The following ATP11B variants were observed in gnomAD, a reference collection of about 807,000 sequenced individuals.
ATP11B encodes the protein ATPase phospholipid transporting 11B (putative).
ATP11B carries 81 observed loss-of-function variants against 157.8 expected under a neutral mutation model. The observed-to-expected ratio is 0.51, with a 90% CI of 0.43 to 0.62. The LOEUF (loss-of-function observed/expected upper bound fraction) is 0.62. Among genes scored for constraint, ATP11B ranks in the 20% least tolerant of loss-of-function variants. The probability of loss-of-function intolerance (pLI) is 0.00; values close to 1 mark genes in which losing one functional copy is unlikely to be tolerated. For missense variants in ATP11B, 1,165 were observed against 1,402.2 expected (o/e 0.83, Z 2.70); for synonymous variants, 451 against 469.4 (o/e 0.96, Z 0.51).
At chr3:182,884,459 ATAAT>A (rs1370162722) in intron 21 of ATP11B, among the ~76,000 whole-genome samples, 1 of 152,108 alleles carries the variant, frequency 6.6e-6, no homozygotes, top group African/African-American at 2.4e-5. Flanking sequence ...TATTAGTGTA[ATAAT>A]TGATGTTCCT....
At chr3:182,911,705 T>A (rs1724808202) in intron 28 of ATP11B, among the ~76,000 whole-genome samples, 1 of 152,144 alleles carries the variant, frequency 6.6e-6, no homozygotes, top group South Asian at 2.1e-4. Flanking sequence ...TCCTTACCTT[T>A]AGCTCACCGG....
At chr3:182,913,070 A>G (rs1724904537) in intron 28 of ATP11B, among the ~76,000 whole-genome samples, 2 of 152,146 alleles carry the variant, frequency 1.3e-5, no homozygotes, top group East Asian at 1.9e-4. Flanking sequence ...TGGGCTATTT[A>G]TGCCTGAATC....
intron 17 of ATP11B, among the ~76,000 whole-genome samples, chr3:182,870,578 A>G (rs1159863930): frequency 6.6e-6 from 1 of 152,242 alleles, no homozygotes; most frequent in African/African-American, 2.4e-5. Context: ...AGAATGAATT[A>G]ATTCATATAT....
At chr3:182,800,966 A>G (rs1035159263) in intron 1 of ATP11B, among the ~76,000 whole-genome samples, 3 of 144,468 alleles carry the variant, frequency 2.1e-5, no homozygotes, top group Non-Finnish European at 4.5e-5. Flanking sequence ...TGCCCAACGG[A>G]TTTTTTCGTA....
intron 28 of ATP11B, among the ~76,000 whole-genome samples, chr3:182,907,370 A>G (rs756918631): frequency 6.6e-6 from 1 of 152,166 alleles, no homozygotes; most frequent in African/African-American, 2.4e-5. Context: ...AAAATTGTAA[A>G]TCTTTTAACC....
chr3:182,812,072 A>T (rs897873963), intron 1 of ATP11B, among the ~76,000 whole-genome samples: 3 of 152,130 alleles, frequency 2.0e-5, no homozygotes, highest in African/African-American at 7.2e-5. Flanking sequence ...ACCAAATAGG[A>T]TTCACCCAGG....
At chr3:182,878,605 TGC>T (rs1290838162) in intron 19 of ATP11B, among the ~76,000 whole-genome samples, 1 of 152,228 alleles carries the variant, frequency 6.6e-6, no homozygotes, top group African/African-American at 2.4e-5. Flanking sequence ...ACAAATAGTT[TGC>T]CCACTTTCCA....
At chr3:182,875,096 A>G (rs771896117) in intron 19 of ATP11B, among the ~76,000 whole-genome samples, 9 of 152,140 alleles carry the variant, frequency 5.9e-5, no homozygotes, top group Non-Finnish European at 1.0e-4. Flanking sequence ...AGGCATATCA[A>G]ATTTTTGCCC....
At chr3:182,807,199 A>G (rs1716378590) in intron 1 of ATP11B, among the ~76,000 whole-genome samples, 1 of 152,214 alleles carries the variant, frequency 6.6e-6, no homozygotes, top group Admixed American at 6.5e-5. Flanking sequence ...AGAATTAGCC[A>G]TAGTAGGGAG....
chr3:182,875,085 TA>T (rs1721935329), intron 19 of ATP11B, among the ~76,000 whole-genome samples: 1 of 152,228 alleles, frequency 6.6e-6, no homozygotes, highest in South Asian at 2.1e-4. Context: ...CTATCTTTTA[TA>T]GGCATATCAA....
intron 19 of ATP11B, 63 bp downstream of exon 19, chr3:182,874,078 C>A (rs555153316): frequency 2.1e-6 from 3 of 1,440,104 alleles, no homozygotes; most frequent in East Asian, 2.4e-5. Context: ...TCCCTGGGCC[C>A]GATGATATAG....
chr3:182,894,233 G>A (rs1379057672), intron 25 of ATP11B, among the ~76,000 whole-genome samples: 1 of 152,166 alleles, frequency 6.6e-6, no homozygotes, highest in East Asian at 1.9e-4. Context: ...CTTTATTTCT[G>A]TAATCTGACA....
At chr3:182,793,816 C>G (rs1437044442) in intron 1 of ATP11B, 30 bp downstream of exon 1, 33 of 1,310,458 alleles carry the variant, frequency 2.5e-5, no homozygotes, top group Non-Finnish European at 2.6e-5. Context: ...CACCTCCATT[C>G]GTCCGCCCCC....
intron 26 of ATP11B, 50 bp from the exon 27 acceptor site, chr3:182,897,248 TTAAGG>T: frequency 1.0e-6 from 1 of 999,058 alleles, no homozygotes; most frequent in East Asian, 2.6e-5. Flanking sequence ...ATCTGAAAGG[TTAAGG>T]TAAAGCTTTA....
At chr3:182,886,757 G>A (rs1310745661) in intron 23 of ATP11B, among the ~76,000 whole-genome samples, 1 of 152,064 alleles carries the variant, frequency 6.6e-6, no homozygotes, top group Admixed American at 6.6e-5. Context: ...AATTGATCAA[G>A]ACACTAGTTC....
At chr3:182,845,009 T>TTTTTTTTTTTTTTG (rs1560081876) in intron 8 of ATP11B, among the ~76,000 whole-genome samples, 1 of 112,090 alleles carries the variant, frequency 8.9e-6, no homozygotes. Flanking sequence ...TTTTTTTATT[T>TTTTTTTTTTTTTTG]TTTTTTATTT....
At chr3:182,914,480 A>T (rs1395930468) in intron 29 of ATP11B, 2 of 985,278 alleles carry the variant, frequency 2.0e-6, no homozygotes, top group Non-Finnish European at 2.4e-6. Context: ...ATTTATAAAC[A>T]CAAAAGGCTG....
At chr3:182,845,419 T>C in intron 8 of ATP11B, 39 bp from the exon 9 acceptor site, 1 of 1,529,558 alleles carries the variant, frequency 6.5e-7, no homozygotes, top group South Asian at 1.2e-5. Flanking sequence ...GAGTTTTTAA[T>C]ATATTCAGTG....
intron 1 of ATP11B, among the ~76,000 whole-genome samples, chr3:182,801,232 TATTA>T (rs1354594561): frequency 1.3e-5 from 2 of 152,218 alleles, no homozygotes; most frequent in Non-Finnish European, 2.9e-5. Flanking sequence ...AAATTAAGGA[TATTA>T]ATTAGTTAAG....
Sources: gnomAD v4.1 joint callset for allele counts (sites outside exome capture counted in the v4.1 genomes callset) on GRCh38, gnomAD v4.1.1 for gene constraint, MANE v1.5 for transcripts, NCBI Gene and HGNC (gene_info 2026-07-23, HGNC 2026-07-21) for gene names.